The following AMH variants were observed in gnomAD, a reference collection of about 807,000 sequenced individuals.
The protein encoded by AMH is anti-Mullerian hormone.
A neutral mutation model predicts 33.3 loss-of-function variants in AMH; 39 were observed. That is an observed-to-expected ratio of 1.17 (90% CI 0.91 to 1.53). AMH has a LOEUF of 1.53. Ranked by LOEUF, AMH falls within the 40% of genes most tolerant of loss-of-function variation. AMH has a pLI of 0.00. For missense variants in AMH, 1,019 were observed against 799.8 expected (o/e 1.27, Z -3.30); for synonymous variants, 536 against 403.0 (o/e 1.33, Z -3.95).
chr19:2,249,841 T>C, intron 1 of AMH, 97 bp downstream of exon 1: 2 of 1,347,104 alleles, frequency 1.5e-6, no homozygotes, highest in Non-Finnish European at 2.0e-6. Flanking sequence ...GCCCCCACCC[T>C]GGGCAGGGAG....
Position 2,249,699 on chromosome 19 carries a change from CG to C in AMH, c.370del (p.Asp124ThrfsTer15). 6.7e-7 allele frequency: 1 copy of C among 1,503,428 alleles called. No individual in the cohort carries two copies. Among genetic ancestry groups the C allele is most frequent in the South Asian group, 1.4e-5 (1 of 73,788 alleles). 93.1% of individuals were successfully genotyped at this position (1,503,428 alleles called of 1,614,324 possible). A position where few individuals can be genotyped will look rare whatever the true frequency, so the allele number is the denominator to read the frequency against. On this transcript the variant is annotated frameshift_variant, in exon 1 of 5. Coordinates refer to ENST00000221496, the MANE Select transcript of AMH (RefSeq NM_000479.5). LOFTEE classifies it high-confidence loss of function. Reference sequence around the variant, plus strand: ...TCTACGGCGGCTGGGGGCCTGGCTGCGGGACCCTGGGGGGCAGCGCCTGGTG... The same window carrying C: ...TCTACGGCGGCTGGGGGCCTGGCTGCGGACCCTGGGGGGCAGCGCCTGGTG... The part of the protein sequence containing the change: ...PSLRRLGAWL[R>X]DPGGQRLVVL...
Position 2,249,441 on chromosome 19 carries a change from C to T in AMH, c.109C>T (p.Leu37Phe), listed in dbSNP as rs201699789. ...GGAGCCAGCTGTGGGCACCAGTGGC[C>T]TCATCTTCCGAGAAGACTTGGACTG... ...AEEPAVGTSG[L>F]IFREDLDWPP... Residue 37 changes from leucine to phenylalanine, a missense_variant, in exon 1 of 5, where the codon CTC becomes TTC. Coordinates refer to ENST00000221496, the MANE Select transcript of AMH (RefSeq NM_000479.5). The T allele has an allele frequency of 2.3e-5, 37 of 1,603,380 alleles. No individual in the cohort carries two copies. Among genetic ancestry groups the T allele is most frequent in the Non-Finnish European group, 3.1e-5 (36 of 1,175,716 alleles).
rs554263581 is a variant in AMH, at chr19:2,249,723, G to C, written c.391G>C (p.Val131Leu). 106 of 1,508,154 alleles carry C rather than the reference G, an allele frequency of 7.0e-5. 3 individuals carry two copies. The South Asian group carries it at 1.3e-3, about 18-fold the overall frequency. 93.4% of individuals were successfully genotyped at this position (1,508,154 alleles called of 1,614,324 possible). ...GCGGGACCCTGGGGGGCAGCGCCTG[G>C]TGGTCCTACACCTGGAGGAAGGTAT... ...WLRDPGGQRL[V>L]VLHLEEVTWE... Residue 131 changes from valine (V) to leucine (L), a missense_variant, in exon 1 of 5, where the codon GTG becomes CTG. Val to Leu is a conservative substitution (Grantham distance 32). Transcript: ENST00000221496.
Position 2,251,261 on chromosome 19 carries a change from C to T in AMH, c.987C>T (p.Asn329=). The change falls in exon 5 of 5, where the codon AAC becomes AAT. Residue 329 remains asparagine (N), a synonymous_variant. Coordinates refer to ENST00000221496, the MANE Select transcript of AMH (RefSeq NM_000479.5). ...CCGGCTTCCCGCAGGGCCTAGTCAA[C>T]CTGTCGGACCCCGCGGCGCTGGAGC... The part of the protein sequence containing the change: ...ALAGFPQGLV[N]LSDPAALERL... The T allele has an allele frequency of 6.6e-7, 1 of 1,505,112 alleles. No individual in the cohort carries two copies. Among genetic ancestry groups the T allele is most frequent in the Non-Finnish European group, 8.8e-7 (1 of 1,134,780 alleles). 93.2% of individuals were successfully genotyped at this position (1,505,112 alleles called of 1,614,324 possible). A position where few individuals can be genotyped will look rare whatever the true frequency, so the allele number is the denominator to read the frequency against.
In AMH at chr19:2,251,652, G is replaced by C. The variant is rs756844421; in HGVS notation, c.1378G>C (p.Gly460Arg). Residue 460 changes from glycine (G) to arginine (R), a missense_variant, in exon 5 of 5, where the codon GGG (glycine) becomes CGG (arginine). By Grantham distance (125) the Gly-to-Arg change is moderately radical (BLOSUM62 -2). Transcript: ENST00000221496. ...CAGCGCGGGGGCCACCGCCGCCGAC[G>C]GGCCGTGCGCGCTGCGCGAGCTCAG... ...QRSAGATAAD[G>R]PCALRELSVD... 6 of 1,599,108 alleles carry C rather than the reference G, an allele frequency of 3.8e-6. No individual in the cohort carries two copies. Among genetic ancestry groups the C allele is most frequent in the Middle Eastern group, 1.7e-4 (1 of 6,006 alleles).
chr19:2,249,866 C>A, intron 1 of AMH, 122 bp downstream of exon 1: 1 of 1,205,512 alleles, frequency 8.3e-7, no homozygotes, highest in Non-Finnish European at 1.1e-6. Context: ...TGGTCTTGTT[C>A]CTAGGACTGG....
intron 2 of AMH, 39 bp downstream of exon 2, chr19:2,250,518 C>T (rs1568393440): frequency 2.6e-6 from 4 of 1,543,006 alleles, no homozygotes; most frequent in East Asian, 2.4e-5. Context: ...CGGGCCGTGG[C>T]GGGGGGCATG....
rs1023152184 is a variant in AMH, at chr19:2,251,258, C to T, written c.984C>T (p.Val328=). 2.5e-5 allele frequency: 37 copies of T among 1,505,672 alleles called. No homozygotes were observed. Among genetic ancestry groups the T allele is most frequent in the Non-Finnish European group, 3.3e-5 (37 of 1,135,094 alleles). 93.3% of individuals were successfully genotyped at this position (1,505,672 alleles called of 1,614,324 possible). ...TGGCCGGCTTCCCGCAGGGCCTAGTCAACCTGTCGGACCCCGCGGCGCTGG... is the reference window on the plus strand; with the variant it reads ...TGGCCGGCTTCCCGCAGGGCCTAGTTAACCTGTCGGACCCCGCGGCGCTGG... The part of the protein sequence containing the change: ...DALAGFPQGL[V]NLSDPAALER... Residue 328 remains valine, a synonymous_variant, in exon 5 of 5, where the codon GTC becomes GTT. Coordinates refer to ENST00000221496, the MANE Select transcript of AMH (RefSeq NM_000479.5).
At chr19:2,249,922 TC>T in intron 1 of AMH, 178 bp downstream of exon 1, 1 of 751,964 alleles carries the variant, frequency 1.3e-6, no homozygotes, top group Non-Finnish European at 2.1e-6. Flanking sequence ...CTCTGTCCTG[TC>T]CCCGAAGCCC....
intron 1 of AMH, 195 bp from the exon 2 acceptor site, chr19:2,250,142 C>T (rs1599136881): frequency 1.1e-6 from 1 of 921,148 alleles, no homozygotes; most frequent in Non-Finnish European, 1.6e-6. Context: ...CAGCCCCACC[C>T]ACAGCCTCAG....
chr19:2,251,614 G>C lies in AMH; in HGVS notation c.1340G>C (p.Gly447Ala). The C allele has an allele frequency of 7.0e-7, 1 of 1,424,950 alleles. No individual in the cohort carries two copies. 88.3% of individuals were successfully genotyped at this position (1,424,950 alleles called of 1,614,324 possible). A position where few individuals can be genotyped will look rare whatever the true frequency, so the allele number is the denominator to read the frequency against. The change falls in exon 5 of 5, where the codon GGT becomes GCT. Residue 447 changes from glycine to alanine, a missense_variant. By Grantham distance (60) the Gly-to-Ala change is moderately conservative. Transcript: ENST00000221496. ...EWRGRDPRGPGRAQRSAGATA... is the reference protein window; with the variant it reads ...EWRGRDPRGPARAQRSAGATA... ...CGCGGGCGGGATCCGCGCGGGCCGGGTCGGGCACAGCGCAGCGCGGGGGCC... is the reference window on the plus strand; with the variant it reads ...CGCGGGCGGGATCCGCGCGGGCCGGCTCGGGCACAGCGCAGCGCGGGGGCC...
chr19:2,251,062 C>G (rs2025031223), intron 4 of AMH, 37 bp from the exon 5 acceptor site: 2 of 1,530,746 alleles, frequency 1.3e-6, no homozygotes, highest in Admixed American at 2.0e-5. Context: ...GGCGTGGCCT[C>G]GTGGCCGCTC....
chr19:2,251,498 C>T lies in AMH; in HGVS notation c.1224C>T (p.Leu408=). 4 of 1,374,592 alleles carry T rather than the reference C, an allele frequency of 2.9e-6. No homozygotes were observed. The highest frequency in any genetic ancestry group is 3.7e-6 in the Non-Finnish European group (4 of 1,070,442). 85.1% of individuals were successfully genotyped at this position (1,374,592 alleles called of 1,614,324 possible). ...PATAPLLARL[L]ALCPGGPGGL... is the part of the protein sequence containing the mutation. ...CAGCCCCGCTGCTGGCGCGCCTGCT[C>T]GCGCTCTGCCCAGGTGGCCCCGGCG... Residue 408 remains leucine (L), a synonymous_variant, in exon 5 of 5, where the codon CTC becomes CTT. Transcript: ENST00000221496.
Sources: allele counts gnomAD v4.1 joint callset, GRCh38; gene constraint gnomAD v4.1.1; transcripts MANE v1.5; gene names NCBI Gene and HGNC (gene_info 2026-07-23, HGNC 2026-07-21).